The following MYH6 variants were observed in gnomAD, a reference collection of about 807,000 sequenced individuals.
MYH6 encodes the protein myosin heavy chain 6, also known as myosin-6.
Under a neutral mutation model 223.2 loss-of-function variants are expected in MYH6, and 126 were observed. The ratio of observed to expected loss-of-function variants is 0.56; its 90% CI spans 0.49 to 0.65. MYH6 has a LOEUF of 0.65. Ranked by LOEUF, MYH6 falls within the 30% of genes least tolerant of loss-of-function variation. The pLI is 0.00. For missense variants in MYH6, 2,040 were observed against 2,536.4 expected, an observed-to-expected ratio of 0.80 and a Z score of 4.20; for synonymous variants, 978 against 1,010.2, an observed-to-expected ratio of 0.97 and a Z score of 0.61.
At chr14:23,399,249 C>A (rs999744147) in intron 14 of MYH6, among the ~76,000 whole-genome samples, 4 of 152,138 alleles carry the variant, frequency 2.6e-5, no homozygotes, top group African/African-American at 9.7e-5. Flanking sequence ...GTGGGTCCAA[C>A]AAAGAGTCAT....
At chr14:23,390,502 C>T in intron 25 of MYH6, 56 bp from the exon 26 acceptor site, 3 of 1,591,236 alleles carry the variant, frequency 1.9e-6, no homozygotes, top group Admixed American at 3.5e-5. Context: ...ACTGGAATCC[C>T]CCCGGCTCTG....
intron 9 of MYH6, 117 bp from the exon 10 acceptor site, chr14:23,403,563 C>A (rs754590825): frequency 8.6e-7 from 1 of 1,166,934 alleles, no homozygotes; most frequent in Non-Finnish European, 1.3e-6. Context: ...GAGGGCCAGG[C>A]GAGAAGATGT....
intron 29 of MYH6, 88 bp from the exon 30 acceptor site, chr14:23,388,426 A>G (rs1891109547): frequency 7.7e-6 from 12 of 1,562,420 alleles, no homozygotes; most frequent in Non-Finnish European, 1.0e-5. Flanking sequence ...CCCTCCCTAT[A>G]TCTCCTTGAG....
chr14:23,384,435 G>A lies in MYH6; in HGVS notation c.5565+7C>T, dbSNP rs780068582. 5 of 1,609,138 alleles carry A rather than the reference G, an allele frequency of 3.1e-6. No individual in the cohort carries two copies. In the African/African-American group the frequency reaches 4.0e-5, roughly 13 times the overall value. ...CATCTACTCCTGGTGTCTGGCGTCC[G>A]CCGCACCTGGTAGGTGAGCTCCTTG... is the stretch of plus-strand genomic sequence containing the variant. On this transcript the variant is annotated splice_region_variant and intron_variant, in intron 36 of 38. Transcript: ENST00000405093.
chr14:23,399,701 A>G (rs935537926), intron 14 of MYH6: 2 of 195,748 alleles, frequency 1.0e-5, no homozygotes, highest in African/African-American at 4.7e-5. Flanking sequence ...AATGACCCAA[A>G]GCATGTGGGG....
At chr14:23,393,316 G>T (rs1353259269) in intron 23 of MYH6, 26 bp downstream of exon 23, 1 of 1,613,854 alleles carries the variant, frequency 6.2e-7, no homozygotes, top group South Asian at 1.1e-5. Context: ...TGCTCTGAGA[G>T]CAGGAGCATG....
Position 23,386,493 on chromosome 14 carries a change from C to A in MYH6, c.4781G>T (p.Arg1594Leu), listed in dbSNP as rs146095234. ...GGAGGTCTGCAGCGAGTCCACCACC[C>A]GCTGGTGGTTGCGCTTGGCCTGTTC... ...EMEQAKRNHQ[R>L]VVDSLQTSLD... The change falls in exon 33 of 39, where the codon CGG (arginine) becomes CTG (leucine). Residue 1594 changes from arginine to leucine, a missense_variant. By Grantham distance (102) the Arg-to-Leu change is moderately radical (BLOSUM62 -2). Around this residue, in one of 4 missense-constraint regions of MYH6, gnomAD observed 1,203 missense variants for 1,400.2 expected, o/e 0.86. Transcript: ENST00000405093. 1 of 1,614,074 alleles carries A rather than the reference C, an allele frequency of 6.2e-7. No homozygotes were observed. The highest frequency in any genetic ancestry group is 8.5e-7 in the Non-Finnish European group (1 of 1,180,050).
At position 23,403,771 on chromosome 14, in the gene MYH6, A is replaced by G; in HGVS notation, c.743T>C (p.Phe248Ser). 1 of 1,611,598 alleles carries G rather than the reference A, an allele frequency of 6.2e-7. No individual in the cohort carries two copies. Among genetic ancestry groups the G allele is most frequent in the Non-Finnish European group, 8.5e-7 (1 of 1,178,804 alleles). Reference protein sequence around the residue: ...RNDNSSRFGKFIRIHFGATGK... With the variant: ...RNDNSSRFGKSIRIHFGATGK... ...AGTGGCCCCAAAGTGGATCCTAATG[A>G]ATTTCCCCTGGGGACGAATGGGACA... The change falls in exon 9 of 39, where the codon TTC (phenylalanine) becomes TCC (serine). Residue 248 changes from phenylalanine (F) to serine (S), a missense_variant. By Grantham distance (155) the Phe-to-Ser change is radical. Coordinates refer to ENST00000405093, the MANE Select transcript of MYH6 (RefSeq NM_002471.4).
In MYH6 at chr14:23,383,331, GAGGGT is replaced by G; in HGVS notation, c.5566-16_5566-12del. ...TTTGTCTTCCTCTGTCTGGGGGTGG[GAGGGT>G]GGGAGAAGCTGGTTTGGAGGGGGAG... On this transcript the variant is annotated splice_polypyrimidine_tract_variant and intron_variant, in intron 36 of 38. Transcript: ENST00000405093. The G allele has an allele frequency of 1.9e-6, 1 of 525,232 alleles. No homozygotes were observed. Among genetic ancestry groups the G allele is most frequent in the Admixed American group, 2.1e-5 (1 of 47,368 alleles). The allele number at this position is 525,232 out of a possible 1,614,324, so 32.5% of individuals were successfully genotyped here. A position where few individuals can be genotyped will look rare whatever the true frequency, so the allele number is the denominator to read the frequency against.
Position 23,383,339 on chromosome 14 carries a change from G to GGGGGGCCCCCCCCCCC in MYH6, c.5566-20_5566-19insGGGGGGGGGGGCCCCC. On this transcript the variant is annotated intron_variant, in intron 36 of 38. Coordinates refer to ENST00000405093, the MANE Select transcript of MYH6 (RefSeq NM_002471.4). The stretch of plus-strand genomic sequence containing the variant: ...CCTCTGTCTGGGGGTGGGAGGGTGG[G>GGGGGGCCCCCCCCCCC]AGAAGCTGGTTTGGAGGGGGAGCAA... The GGGGGGCCCCCCCCCCC allele has an allele frequency of 2.8e-5, 3 of 108,142 alleles. No individual in the cohort carries two copies. The highest frequency in any genetic ancestry group is 1.8e-5 in the Non-Finnish European group (1 of 54,340). The allele number at this position is 108,142 out of a possible 1,614,324, so 6.7% of individuals were successfully genotyped here. A position where few individuals can be genotyped will look rare whatever the true frequency, so the allele number is the denominator to read the frequency against.
At chr14:23,383,594 T>C (rs745309350) in intron 36 of MYH6, among the ~76,000 whole-genome samples, 2 of 152,110 alleles carry the variant, frequency 1.3e-5, no homozygotes, top group African/African-American at 4.8e-5. Context: ...TTCCCTAATG[T>C]GGTAATATAA....
At chr14:23,397,957 T>TC (rs1891467948) in intron 15 of MYH6, among the ~76,000 whole-genome samples, 1 of 111,548 alleles carries the variant, frequency 9.0e-6, no homozygotes, top group African/African-American at 3.8e-5. Flanking sequence ...TTCTTCTTCT[T>TC]CTTCTTCTTC....
rs748485553 is a variant in MYH6 at position 23,387,774 on chromosome 14, C to T, written c.4509G>A (p.Glu1503=). The change falls in exon 31 of 39, where the codon GAG becomes GAA. Residue 1503 remains glutamate, a synonymous_variant. Transcript: ENST00000405093. ...CCAGCACACCCTGAAGGTTCTTGTT[C>T]TCCCGCTTGAAGGTCTCTAGGTGCT... The part of the protein sequence containing the change: ...SLEHLETFKR[E]NKNLQEEISD... 6 of 1,614,088 alleles carry T rather than the reference C, an allele frequency of 3.7e-6. No homozygotes were observed. The Admixed American group carries it at 5.0e-5, about 13-fold the overall frequency.
chr14:23,397,940 C>CTTCTTCTTCTTCTTCTTCTTCTTCTTT lies in MYH6; in HGVS notation c.1892-328_1892-327insAAAGAAGAAGAAGAAGAAGAAGAAGAA, dbSNP rs1566512341. ...TCCTCCTCCTCCTCCTCCTCTTCTT[C>CTTCTTCTTCTTCTTCTTCTTCTTCTTT]TTCTTCTTCTTCTTCTTCTTCTTCT... is the stretch of plus-strand genomic sequence containing the variant. On this transcript the variant is annotated intron_variant, in intron 15 of 38. Transcript: ENST00000405093. Among the ~76,000 whole-genome samples the CTTCTTCTTCTTCTTCTTCTTCTTCTTT allele has an allele frequency of 3.9e-3, 210 of 53,242 alleles. 5 individuals carry two copies. Among genetic ancestry groups the CTTCTTCTTCTTCTTCTTCTTCTTCTTT allele is most frequent in the Non-Finnish European group, 4.8e-3 (129 of 26,674 alleles). The allele number at this position is 53,242 out of a possible 152,430, so 34.9% of individuals were successfully genotyped here. A position where few individuals can be genotyped will look rare whatever the true frequency, so the allele number is the denominator to read the frequency against.
In MYH6 at chr14:23,385,398, G is replaced by T. The variant is rs116026378; in HGVS notation, c.5164-357C>A. On this transcript the variant is annotated intron_variant, in intron 34 of 38. Transcript: ENST00000405093. ...CCAGAGATGTTTATAGCTATACCAAGAATGTAGTGGGGTAAGGAAGAGGGG... is the reference window on the plus strand; with the variant it reads ...CCAGAGATGTTTATAGCTATACCAATAATGTAGTGGGGTAAGGAAGAGGGG... 2.8e-3 allele frequency among the ~76,000 whole-genome samples: 427 copies of T among 150,778 alleles called. 3 individuals carry two copies. The highest frequency in any genetic ancestry group is 0.01 in the African/African-American group (411 of 40,870).
rs1414339057 is a variant in MYH6, at chr14:23,393,541, C to T, written c.2929-23G>A. On this transcript the variant is annotated intron_variant, in intron 22 of 38. Coordinates refer to ENST00000405093, the MANE Select transcript of MYH6 (RefSeq NM_002471.4). ...CACCTGCCGACCAAAAACCCATCCC[C>T]TTTAGGGTCAAAGATCACCAGCCTG... 8 of 1,613,902 alleles carry T rather than the reference C, an allele frequency of 5.0e-6. No homozygotes were observed. The Admixed American group carries it at 1.0e-4, about 20-fold the overall frequency.
intron 32 of MYH6, among the ~76,000 whole-genome samples, chr14:23,387,109 C>T (rs749225088): frequency 6.6e-6 from 1 of 152,072 alleles, no homozygotes; most frequent in Admixed American, 6.6e-5. Flanking sequence ...TGTGTAAAAT[C>T]ATATGAGGTA....
intron 12 of MYH6, among the ~76,000 whole-genome samples, chr14:23,401,687 C>G (rs1046888618): frequency 2.0e-5 from 3 of 152,240 alleles, no homozygotes; most frequent in African/African-American, 7.2e-5. Context: ...ACCCCAGTGT[C>G]TAGCCCTGGA....
At chr14:23,399,567 TACAC>T in intron 14 of MYH6, 1 of 201,292 alleles carries the variant, frequency 5.0e-6, no homozygotes, top group South Asian at 9.9e-5. Flanking sequence ...CACACACACG[TACAC>T]ACACACACAT....
Sources: gnomAD v4.1 joint callset for allele counts (sites outside exome capture counted in the v4.1 genomes callset) on GRCh38, gnomAD v4.1.1 for gene constraint, gnomAD v4.1.1 regional missense constraint, MANE v1.5 for transcripts, NCBI Gene and HGNC (gene_info 2026-07-23, HGNC 2026-07-21) for gene names.